TAS2R1: variants seen among roughly 807,000 people sequenced by gnomAD.
TAS2R1 encodes taste receptor type 2 member 1.
For synonymous variants in TAS2R1, 141 were observed against 134.2 expected, an observed-to-expected ratio of 1.05 and a Z score of -0.35; for missense variants, 370 against 353.4, an observed-to-expected ratio of 1.05 and a Z score of -0.38.
the TAS2R1 span, among the ~76,000 whole-genome samples, chr5:9,818,932 C>T: frequency 1.3e-5 from 2 of 152,302 alleles, no homozygotes; most frequent in African/African-American, 4.8e-5. Flanking sequence ...TCAGCTCACA[C>T]AGTTAATCTT....
chr5:9,746,838 A>G, the TAS2R1 span, among the ~76,000 whole-genome samples: 1 of 152,164 alleles, frequency 6.6e-6, no homozygotes, highest in Non-Finnish European at 1.5e-5. Context: ...AACCTAGATG[A>G]TGGGTTGATA....
At chr5:9,692,909 T>C (rs772031912) in intron 1 of TAS2R1, among the ~76,000 whole-genome samples, 6 of 152,106 alleles carry the variant, frequency 3.9e-5, no homozygotes, top group Non-Finnish European at 8.8e-5. Context: ...AAGATGACAA[T>C]ATCTGGGGCA....
chr5:9,772,801 T>C, the TAS2R1 span, among the ~76,000 whole-genome samples: 1 of 152,142 alleles, frequency 6.6e-6, no homozygotes, highest in African/African-American at 2.4e-5. Context: ...TTGTCTGATA[T>C]AAGTATAGCT....
In TAS2R1 at chr5:9,629,225, G is replaced by C; in HGVS notation, c.808C>G (p.Pro270Ala). ...ATTAAGATGAGAGAGTGTCCAGAAG[G>C]GTATATACCAATCACAAGGATGAAG... The part of the protein sequence containing the change: ...LFFILVIGIY[P>A]SGHSLILILG... The change falls in exon 1 of 1, where the codon CCT becomes GCT. Residue 270 changes from proline to alanine, a missense_variant. Pro to Ala is a conservative substitution (Grantham distance 27, BLOSUM62 -1). Coordinates refer to ENST00000382492, the MANE Select transcript of TAS2R1 (RefSeq NM_019599.3). 1 of 1,613,028 alleles carries C rather than the reference G, an allele frequency of 6.2e-7. No homozygotes were observed. The highest frequency in any genetic ancestry group is 8.5e-7 in the Non-Finnish European group (1 of 1,179,738).
the TAS2R1 span, among the ~76,000 whole-genome samples, chr5:9,785,024 C>T: frequency 2.6e-5 from 4 of 152,144 alleles, no homozygotes; most frequent in East Asian, 7.7e-4. Context: ...ATTAAAGGGG[C>T]TATATATTTT....
At chr5:9,865,072 G>A in the TAS2R1 span, among the ~76,000 whole-genome samples, 1 of 152,218 alleles carries the variant, frequency 6.6e-6, no homozygotes, top group Non-Finnish European at 1.5e-5. Context: ...TTGGACCAGA[G>A]ATAAGTGATT....
the TAS2R1 span, among the ~76,000 whole-genome samples, chr5:9,894,679 C>G: frequency 1.3e-5 from 2 of 152,240 alleles, no homozygotes; most frequent in Non-Finnish European, 2.9e-5. Flanking sequence ...TAAGTTAGTT[C>G]TATCCTGGTC....
chr5:9,837,435 G>A, the TAS2R1 span, among the ~76,000 whole-genome samples: 1 of 152,232 alleles, frequency 6.6e-6, no homozygotes. Flanking sequence ...ACCTTTGGTG[G>A]ATGCTAATTG....
At chr5:9,896,055 G>C in the TAS2R1 span, among the ~76,000 whole-genome samples, 1 of 152,136 alleles carries the variant, frequency 6.6e-6, no homozygotes. Flanking sequence ...CCAAGATATG[G>C]GTATTGGTGA....
the TAS2R1 span, among the ~76,000 whole-genome samples, chr5:9,793,363 G>A: frequency 2.6e-5 from 4 of 152,324 alleles, no homozygotes; most frequent in East Asian, 1.9e-4. Flanking sequence ...TACCTATGCT[G>A]TTATGGGATA....
the TAS2R1 span, among the ~76,000 whole-genome samples, chr5:9,896,212 A>G: frequency 6.6e-6 from 1 of 152,198 alleles, no homozygotes; most frequent in Admixed American, 6.5e-5. Context: ...AACACAGAGA[A>G]CTGGGACTTC....
Position 9,629,729 on chromosome 5 carries a change from A to C in TAS2R1, c.304T>G (p.Phe102Val), listed in dbSNP as rs1336660220. 6.2e-7 allele frequency: 1 copy of C among 1,613,962 alleles called. No homozygotes were observed. Among genetic ancestry groups the C allele is most frequent in the Non-Finnish European group, 8.5e-7 (1 of 1,179,992 alleles). Residue 102 changes from phenylalanine to valine, a missense_variant, in exon 1 of 1, where the codon TTC becomes GTC. Transcript: ENST00000382492. ...ELWLATWLGV[F>V]YCAKVASVRH... is the part of the protein sequence containing the mutation. The stretch of plus-strand genomic sequence containing the variant: ...ACGCTGGCAACCTTGGCACAATAGA[A>C]AACGCCGAGCCATGTGGCAAGCCAA...
intron 2 of TAS2R1, among the ~76,000 whole-genome samples, chr5:9,653,503 T>A (rs1203030636): frequency 6.6e-6 from 1 of 152,204 alleles, no homozygotes; most frequent in South Asian, 2.1e-4. Flanking sequence ...TTTGTGACCC[T>A]ATTGTCAGGC....
chr5:9,767,107 C>T, the TAS2R1 span, among the ~76,000 whole-genome samples: 4 of 152,276 alleles, frequency 2.6e-5, no homozygotes, highest in South Asian at 8.3e-4. Context: ...GATCCACTGA[C>T]ATTTCTGGAA....
the TAS2R1 span, among the ~76,000 whole-genome samples, chr5:9,834,946 G>A: frequency 6.6e-6 from 1 of 152,128 alleles, no homozygotes; most frequent in East Asian, 1.9e-4. Context: ...ATGTTTAAAT[G>A]TTAGAAAGCA....
At chr5:9,701,794 A>C (rs1741489623) in intron 1 of TAS2R1, among the ~76,000 whole-genome samples, 1 of 152,226 alleles carries the variant, frequency 6.6e-6, no homozygotes, top group Non-Finnish European at 1.5e-5. Context: ...AAGTTTACAC[A>C]CCAAAATTAT....
At chr5:9,792,641 C>G in the TAS2R1 span, among the ~76,000 whole-genome samples, 2 of 152,096 alleles carry the variant, frequency 1.3e-5, no homozygotes, top group Non-Finnish European at 2.9e-5. Context: ...ATGCTATATC[C>G]CTGGGAAGTT....
upstream of TAS2R1, chr5:9,712,939 C>A (rs1305978843): frequency 6.6e-6 from 1 of 152,140 alleles, no homozygotes; most frequent in East Asian, 1.9e-4. Flanking sequence ...CCTCACACCA[C>A]CACCTTCTAT....
chr5:9,894,045 G>T, the TAS2R1 span, among the ~76,000 whole-genome samples: 1 of 152,162 alleles, frequency 6.6e-6, no homozygotes, highest in Non-Finnish European at 1.5e-5. Context: ...CTTTAAAGAG[G>T]TAATTAAGTT....
Sources: allele counts gnomAD v4.1 joint callset (sites outside exome capture counted in the v4.1 genomes callset), GRCh38; gene constraint gnomAD v4.1.1; transcripts MANE v1.5; gene names NCBI Gene and HGNC (gene_info 2026-07-23, HGNC 2026-07-21).